LIPC: variants seen among roughly 807,000 people sequenced by gnomAD.
LIPC encodes hepatic triacylglycerol lipase.
A neutral mutation model predicts 50.7 loss-of-function variants in LIPC; 44 were observed. The ratio of observed to expected loss-of-function variants is 0.87; its 90% confidence interval spans 0.68 to 1.11. The LOEUF (loss-of-function observed/expected upper bound fraction) is 1.11. LIPC is among the 50% of genes most tolerant of loss of function. The pLI is 0.00. For synonymous variants in LIPC, 271 were observed against 256.4 expected, an observed-to-expected ratio of 1.06 and a Z score of -0.54; for missense variants, 697 against 648.2, an observed-to-expected ratio of 1.08 and a Z score of -0.82.
At chr15:58,528,733 A>C (rs540434569) in intron 1 of LIPC, among the ~76,000 whole-genome samples, 25 of 152,344 alleles carry the variant, frequency 1.6e-4, no homozygotes, top group Non-Finnish European at 3.1e-4. Context: ...CATGGGCCCA[A>C]CTTGAGTTTC....
chr15:58,465,916 G>A (rs1244005717), intron 1 of LIPC, among the ~76,000 whole-genome samples: 1 of 152,200 alleles, frequency 6.6e-6, no homozygotes, highest in African/African-American at 2.4e-5. Flanking sequence ...AATTAATACA[G>A]GGCAGAGGAA....
chr15:58,471,681 G>A (rs1890811007), intron 1 of LIPC, among the ~76,000 whole-genome samples: 2 of 152,186 alleles, frequency 1.3e-5, no homozygotes, highest in South Asian at 4.1e-4. Flanking sequence ...TCTGGAGTCA[G>A]TGCTCCAAAA....
chr15:58,500,329 C>G (rs1009735852), intron 1 of LIPC, among the ~76,000 whole-genome samples: 1 of 152,148 alleles, frequency 6.6e-6, no homozygotes, highest in Non-Finnish European at 1.5e-5. Context: ...AAGCGCCCAA[C>G]AGATGGTGGT....
At chr15:58,497,476 G>A (rs1891813858) in intron 1 of LIPC, among the ~76,000 whole-genome samples, 1 of 152,212 alleles carries the variant, frequency 6.6e-6, no homozygotes, top group African/African-American at 2.4e-5. Context: ...CAGTCAGGGA[G>A]AGCTTGTCTG....
intron 1 of LIPC, among the ~76,000 whole-genome samples, chr15:58,536,160 G>C (rs1893112117): frequency 6.6e-6 from 1 of 152,230 alleles, no homozygotes; most frequent in East Asian, 1.9e-4. Flanking sequence ...CTGACTAGAT[G>C]AGAAGGCTTC....
At chr15:58,506,997 A>G (rs1008251334) in intron 1 of LIPC, among the ~76,000 whole-genome samples, 3 of 152,164 alleles carry the variant, frequency 2.0e-5, no homozygotes, top group African/African-American at 7.2e-5. Flanking sequence ...GGGTAGGGGA[A>G]GCTCCTTATA....
chr15:58,479,711 G>A (rs1891122406), intron 1 of LIPC, among the ~76,000 whole-genome samples: 1 of 152,296 alleles, frequency 6.6e-6, no homozygotes, highest in East Asian at 1.9e-4. Context: ...TGGCTTGGAC[G>A]ATTAGAAGAG....
At chr15:58,475,620 C>G (rs1295518201) in intron 1 of LIPC, among the ~76,000 whole-genome samples, 1 of 152,260 alleles carries the variant, frequency 6.6e-6, no homozygotes, top group African/African-American at 2.4e-5. Flanking sequence ...TCCTGGAGCA[C>G]TGCATTGCAA....
chr15:58,435,229 C>T (rs1893253779), intron 1 of LIPC: 2 of 152,210 alleles, frequency 1.3e-5, no homozygotes, highest in Admixed American at 1.3e-4. Context: ...TTGCAAATCT[C>T]TCTAATATCT....
chr15:58,501,892 G>A (rs1287351800), intron 1 of LIPC, among the ~76,000 whole-genome samples: 3 of 152,178 alleles, frequency 2.0e-5, no homozygotes, highest in East Asian at 3.9e-4. Flanking sequence ...GAAGGAGGTA[G>A]GAAAACTTGA....
At chr15:58,544,491 G>A (rs1344795795) in intron 4 of LIPC, among the ~76,000 whole-genome samples, 1 of 146,004 alleles carries the variant, frequency 6.8e-6, no homozygotes, top group Non-Finnish European at 1.5e-5. Flanking sequence ...CACCTCCCTG[G>A]TTCAAGTGAT....
intron 1 of LIPC, among the ~76,000 whole-genome samples, chr15:58,532,343 T>C (rs1233142975): frequency 2.0e-5 from 3 of 152,190 alleles, no homozygotes; most frequent in African/African-American, 7.2e-5. Flanking sequence ...ATCATTGGCC[T>C]GACCACAGAA....
chr15:58,553,768 C>T (rs1468113384), intron 6 of LIPC, among the ~76,000 whole-genome samples: 3 of 152,292 alleles, frequency 2.0e-5, no homozygotes, highest in Non-Finnish European at 2.9e-5. Context: ...CTTCTTCACT[C>T]GCGCCTGCTC....
chr15:58,562,345 G>A lies in LIPC; in HGVS notation c.1170-1160G>A, dbSNP rs569497606. Among the ~76,000 whole-genome samples the A allele has an allele frequency of 6.6e-4, 101 of 152,312 alleles. 1 individual carries two copies. The highest frequency in any genetic ancestry group is 2.2e-3 in the African/African-American group (93 of 41,560). Reference sequence around the variant, plus strand: ...GCAGAGGCAGGTGGTGAGGGGCGGAGCAGGTGTTCCCAAGAGGTCCCAAGA... The same window carrying A: ...GCAGAGGCAGGTGGTGAGGGGCGGAACAGGTGTTCCCAAGAGGTCCCAAGA... On this transcript the variant is annotated intron_variant, in intron 7 of 8. Coordinates refer to ENST00000299022, the MANE Select transcript of LIPC (RefSeq NM_000236.3).
At chr15:58,533,132 T>C (rs759284921) in intron 1 of LIPC, 214 of 983,878 alleles carry the variant, frequency 2.2e-4, no homozygotes, top group Admixed American at 2.5e-4. Flanking sequence ...CCCAGATTCT[T>C]ATCACTGGTG....
intron 1 of LIPC, among the ~76,000 whole-genome samples, chr15:58,439,731 C>G (rs1041183252): frequency 1.3e-5 from 2 of 152,200 alleles, no homozygotes; most frequent in Non-Finnish European, 2.9e-5. Flanking sequence ...CGTGAGCCAC[C>G]GCCCCCGGCC....
At chr15:58,469,117 T>TGTGTGG (rs1240945945) in intron 1 of LIPC, among the ~76,000 whole-genome samples, 55 of 147,568 alleles carry the variant, frequency 3.7e-4, no homozygotes, top group East Asian at 8.0e-4. Flanking sequence ...TGTGTGTGTG[T>TGTGTGG]GTGTGTGTGT....
At chr15:58,478,344 T>C (rs62001840) in intron 1 of LIPC, among the ~76,000 whole-genome samples, 20,053 of 152,168 alleles carry the variant, frequency 0.13, 1,513 homozygotes, top group Middle Eastern at 0.25. Flanking sequence ...GTTCAAGCTT[T>C]TCTCTGGCCT....
intron 1 of LIPC, among the ~76,000 whole-genome samples, chr15:58,506,499 T>C (rs1892152313): frequency 6.6e-6 from 1 of 152,110 alleles, no homozygotes; most frequent in Admixed American, 6.5e-5. Context: ...ACAGCAAAGG[T>C]GGCCCAAACC....
Sources: allele counts gnomAD v4.1 joint callset (sites outside exome capture counted in the v4.1 genomes callset), GRCh38; gene constraint gnomAD v4.1.1; transcripts MANE v1.5; gene names NCBI Gene and HGNC (gene_info 2026-07-23, HGNC 2026-07-21).